Variants in TMTC1 observed in about 807,000 individuals in gnomAD.
TMTC1 encodes protein O-mannosyl-transferase TMTC1.
Under a neutral mutation model 104.8 loss-of-function variants are expected in TMTC1, and 73 were observed. The observed-to-expected ratio is 0.70, with a 90% CI of 0.58 to 0.85. TMTC1 has a LOEUF of 0.85. TMTC1 is among the 40% of genes least tolerant of loss of function. TMTC1 has a pLI of 0.00. For missense variants in TMTC1, 1,035 were observed against 1,096.1 expected, an observed-to-expected ratio of 0.94 and a Z score of 0.79; for synonymous variants, 434 against 428.7, an observed-to-expected ratio of 1.01 and a Z score of -0.15.
intron 13 of TMTC1, among the ~76,000 whole-genome samples, 176 bp downstream of exon 13, chr12:29,518,296 G>A (rs1944048107): frequency 6.6e-6 from 1 of 152,180 alleles, no homozygotes; most frequent in Admixed American, 6.5e-5. Context: ...CCAAAGTCAT[G>A]AATTATGATC....
chr12:29,591,024 C>T (rs1255129141), intron 7 of TMTC1, among the ~76,000 whole-genome samples: 2 of 152,146 alleles, frequency 1.3e-5, no homozygotes, highest in East Asian at 1.9e-4. Context: ...CCTTTTCAGT[C>T]AGCACCTGTA....
At chr12:29,620,969 A>G (rs1018946409) in intron 6 of TMTC1, among the ~76,000 whole-genome samples, 1 of 152,218 alleles carries the variant, frequency 6.6e-6, no homozygotes, top group South Asian at 2.1e-4. Context: ...GGGTCCATCT[A>G]TCGAATACTG....
chr12:29,643,631 T>TATAATATATATGTTATATTATATA (rs1565733258), intron 5 of TMTC1, among the ~76,000 whole-genome samples: 455 of 21,480 alleles, frequency 0.021, 42 homozygotes, highest in African/African-American at 0.082. Context: ...CTATATATTA[T>TATAATATATATGTTATATTATATA]ATATATAATA....
intron 5 of TMTC1, among the ~76,000 whole-genome samples, chr12:29,684,115 A>G (rs954815880): frequency 6.6e-6 from 1 of 152,226 alleles, no homozygotes; most frequent in African/African-American, 2.4e-5. Context: ...AAGTGCTGCG[A>G]TTACAGGCAT....
chr12:29,531,877 T>C (rs1565650582), intron 11 of TMTC1, among the ~76,000 whole-genome samples: 4 of 152,124 alleles, frequency 2.6e-5, no homozygotes, highest in African/African-American at 9.7e-5. Context: ...ATGCCTAACC[T>C]CATTAACTAT....
At chr12:29,708,200 T>C (rs1411839354) in intron 5 of TMTC1, among the ~76,000 whole-genome samples, 8 of 152,188 alleles carry the variant, frequency 5.3e-5, no homozygotes, top group Admixed American at 5.2e-4. Context: ...AAGCACAGAA[T>C]TGCAGAATGA....
At chr12:29,749,078 G>A (rs911928900) in intron 5 of TMTC1, among the ~76,000 whole-genome samples, 1 of 152,182 alleles carries the variant, frequency 6.6e-6, no homozygotes, top group African/African-American at 2.4e-5. Flanking sequence ...CACAGTGGGA[G>A]TATTTACATT....
At chr12:29,636,724 A>C (rs188838123) in intron 5 of TMTC1, among the ~76,000 whole-genome samples, 52 of 151,960 alleles carry the variant, frequency 3.4e-4, no homozygotes, top group Non-Finnish European at 6.3e-4. Context: ...AGGCTGAGGC[A>C]GGGGAATCTC....
At chr12:29,629,060 C>T (rs1938156425) in intron 6 of TMTC1, among the ~76,000 whole-genome samples, 2 of 151,972 alleles carry the variant, frequency 1.3e-5, no homozygotes, top group South Asian at 4.2e-4. Flanking sequence ...TGGCTCACAT[C>T]TGTAATCCCA....
chr12:29,516,969 T>C (rs889718500), intron 14 of TMTC1, among the ~76,000 whole-genome samples: 2 of 152,196 alleles, frequency 1.3e-5, no homozygotes, highest in African/African-American at 4.8e-5. Context: ...AGAAACTATT[T>C]GCAAAGGTAT....
At chr12:29,522,447 A>G (rs1592165363) in intron 11 of TMTC1, among the ~76,000 whole-genome samples, 1 of 152,298 alleles carries the variant, frequency 6.6e-6, no homozygotes, top group East Asian at 1.9e-4. Context: ...AAACTCAACA[A>G]ATTATCAAAT....
chr12:29,508,545 T>C (rs1943750645), intron 17 of TMTC1, among the ~76,000 whole-genome samples: 2 of 152,114 alleles, frequency 1.3e-5, no homozygotes, highest in African/African-American at 4.8e-5. Context: ...AGAACGCAGT[T>C]CCTTTTCTCT....
chr12:29,579,274 T>C (rs1038172570), intron 8 of TMTC1, among the ~76,000 whole-genome samples: 5 of 152,218 alleles, frequency 3.3e-5, no homozygotes, highest in Admixed American at 6.5e-5. Flanking sequence ...AATGTGTCCA[T>C]GTGTTTACAT....
intron 5 of TMTC1, among the ~76,000 whole-genome samples, chr12:29,633,819 T>C (rs1260630100): frequency 1.3e-5 from 2 of 152,168 alleles, no homozygotes; most frequent in Non-Finnish European, 2.9e-5. Flanking sequence ...ACTGCAGGTG[T>C]CCTTGCTGAC....
chr12:29,518,810 T>C (rs1473185678), intron 12 of TMTC1, among the ~76,000 whole-genome samples: 1 of 152,172 alleles, frequency 6.6e-6, no homozygotes, highest in Non-Finnish European at 1.5e-5. Context: ...CATTCATACT[T>C]CCAAAAAAAT....
At chr12:29,762,688 G>A (rs1370910527) in intron 2 of TMTC1, among the ~76,000 whole-genome samples, 3 of 152,228 alleles carry the variant, frequency 2.0e-5, no homozygotes, top group Non-Finnish European at 2.9e-5. Flanking sequence ...ATTACCTGAC[G>A]TGGCTGCTTG....
chr12:29,622,116 A>G (rs1322237660), intron 6 of TMTC1, among the ~76,000 whole-genome samples: 1 of 152,196 alleles, frequency 6.6e-6, no homozygotes, highest in East Asian at 1.9e-4. Context: ...CCACTGCCCA[A>G]TGTTCATTCT....
At chr12:29,611,018 T>C (rs936150395) in intron 6 of TMTC1, among the ~76,000 whole-genome samples, 1 of 152,246 alleles carries the variant, frequency 6.6e-6, no homozygotes, top group African/African-American at 2.4e-5. Flanking sequence ...ATACTTGATG[T>C]CTTCCCTAAG....
At chr12:29,524,966 G>T (rs189483444) in intron 11 of TMTC1, among the ~76,000 whole-genome samples, 174 of 152,172 alleles carry the variant, frequency 1.1e-3, no homozygotes, top group African/African-American at 4.0e-3. Context: ...GTCTTGATCT[G>T]TGATCTTGGG....
Sources: gnomAD v4.1 joint callset for allele counts (sites outside exome capture counted in the v4.1 genomes callset) on GRCh38, gnomAD v4.1.1 for gene constraint, MANE v1.5 for transcripts, NCBI Gene and HGNC (gene_info 2026-07-23, HGNC 2026-07-21) for gene names.